TMCO5A: variants seen among roughly 807,000 people sequenced by gnomAD.
TMCO5A encodes transmembrane and coiled-coil domain-containing protein 5A.
In TMCO5A, 34 loss-of-function variants were observed where a neutral mutation model predicts 42.3. The observed-to-expected ratio is 0.80, with a 90% CI of 0.61 to 1.07. TMCO5A has a LOEUF of 1.07. TMCO5A is among the 50% of genes least tolerant of loss of function. The pLI, the probability that TMCO5A is intolerant of heterozygous loss-of-function variation, is 0.00. For synonymous variants in TMCO5A, 131 were observed against 115.6 expected (o/e 1.13, Z -0.86); for missense variants, 357 against 327.9 (o/e 1.09, Z -0.69).
chr15:37,978,687 CA>C, the TMCO5A span, among the ~76,000 whole-genome samples: 1 of 152,292 alleles, frequency 6.6e-6, no homozygotes, highest in South Asian at 2.1e-4. Context: ...TTGATGTGTT[CA>C]GGCAGAGGCA....
At chr15:37,969,729 T>A (rs1890638974), downstream of TMCO5A, among the ~76,000 whole-genome samples, 2 of 152,160 alleles carry the variant, frequency 1.3e-5, no homozygotes, top group African/African-American at 4.8e-5. Context: ...CAAGTACACT[T>A]GTGTTCATGT....
chr15:37,967,365 C>T (rs1291756838), exon 12 of TMCO5A: 4 of 152,098 alleles, frequency 2.6e-5, no homozygotes, highest in African/African-American at 9.7e-5. Context: ...TCAAGCAGGT[C>T]ATATTTTCTA....
the TMCO5A span, among the ~76,000 whole-genome samples, chr15:38,033,471 G>A: frequency 2.6e-5 from 4 of 151,924 alleles, no homozygotes; most frequent in Non-Finnish European, 5.9e-5. Context: ...GAGAATTTGA[G>A]ATCTAAGATA....
chr15:38,017,170 C>T, the TMCO5A span, among the ~76,000 whole-genome samples: 2 of 152,076 alleles, frequency 1.3e-5, no homozygotes, highest in Admixed American at 1.3e-4. Context: ...AAACCTTCTG[C>T]AAATGACCAG....
At chr15:38,025,409 C>T in the TMCO5A span, among the ~76,000 whole-genome samples, 3 of 152,156 alleles carry the variant, frequency 2.0e-5, no homozygotes, top group African/African-American at 7.2e-5. Flanking sequence ...TGGGACCTCA[C>T]CACCATATCA....
chr15:38,012,123 C>CAAA, the TMCO5A span, among the ~76,000 whole-genome samples: 5 of 98,492 alleles, frequency 5.1e-5, no homozygotes, highest in South Asian at 3.5e-4. Flanking sequence ...GACTCCGTCT[C>CAAA]AAAAAAAAAA....
At chr15:38,020,888 T>G in the TMCO5A span, among the ~76,000 whole-genome samples, 1 of 152,160 alleles carries the variant, frequency 6.6e-6, no homozygotes, top group Non-Finnish European at 1.5e-5. Flanking sequence ...TTTGTTGGTT[T>G]AATTTAGTAA....
chr15:37,984,091 T>C, the TMCO5A span, among the ~76,000 whole-genome samples: 1 of 152,202 alleles, frequency 6.6e-6, no homozygotes, highest in South Asian at 2.1e-4. Context: ...TTCTAAGTGT[T>C]GCTTCTGGGG....
chr15:38,023,464 C>G, the TMCO5A span, among the ~76,000 whole-genome samples: 1 of 152,172 alleles, frequency 6.6e-6, no homozygotes, highest in Non-Finnish European at 1.5e-5. Context: ...AGTTTGACCT[C>G]TTACATGCTG....
In TMCO5A at chr15:37,943,381, A is replaced by G. The variant is rs755604541; in HGVS notation, c.610A>G (p.Thr204Ala). Residue 204 changes from threonine (T) to alanine (A), a missense_variant, in exon 10 of 12, where the codon ACC becomes GCC. Thr to Ala is a moderately conservative substitution (Grantham distance 58). Coordinates refer to ENST00000319669, the MANE Select transcript of TMCO5A (RefSeq NM_152453.4). ...CATGAACCCTGTGGAAAAAGAGCAT[A>G]CCAGCCAAAATAATGAGGTAAACAC... Reference protein sequence around the residue: ...VSMNPVEKEHTSQNNEGTPTQ... With the variant: ...VSMNPVEKEHASQNNEGTPTQ... The G allele has an allele frequency of 1.2e-6, 2 of 1,612,034 alleles. No homozygotes were observed. The highest frequency in any genetic ancestry group is 2.7e-5 in the African/African-American group (2 of 74,810).
At chr15:38,004,993 A>C in the TMCO5A span, among the ~76,000 whole-genome samples, 1 of 152,144 alleles carries the variant, frequency 6.6e-6, no homozygotes, top group East Asian at 1.9e-4. Flanking sequence ...TCACTATTAG[A>C]CAGAATTCTC....
chr15:37,951,249 T>C lies in TMCO5A; in HGVS notation c.*15T>C, dbSNP rs1890148891. 1 of 1,611,354 alleles carries C rather than the reference T, an allele frequency of 6.2e-7. No individual in the cohort carries two copies. The highest frequency in any genetic ancestry group is 2.2e-5 in the East Asian group (1 of 44,806). On this transcript the variant is annotated 3_prime_UTR_variant, in exon 12 of 12. Transcript: ENST00000319669. ...TACCCCACTGATTCCCTAAGAAATA[T>C]CCTTGAGCAATAGAAGGGAAGTGGG...
exon 12 of TMCO5A, chr15:37,966,842 A>G (rs1890570122): frequency 6.5e-6 from 4 of 619,362 alleles, no homozygotes; most frequent in Non-Finnish European, 1.2e-5. Flanking sequence ...AGCTTATGTC[A>G]TATGTTCAGC....
the TMCO5A span, among the ~76,000 whole-genome samples, chr15:38,035,536 G>C: frequency 6.6e-6 from 1 of 152,310 alleles, no homozygotes; most frequent in Non-Finnish European, 1.5e-5. Context: ...CTGCATGAGT[G>C]AAGAGGCTGA....
At chr15:38,015,368 C>A in the TMCO5A span, among the ~76,000 whole-genome samples, 2 of 151,994 alleles carry the variant, frequency 1.3e-5, no homozygotes, top group African/African-American at 4.8e-5. Context: ...AAATTAATAC[C>A]ATTAAAATTG....
the TMCO5A span, among the ~76,000 whole-genome samples, chr15:38,030,605 T>C: frequency 2.0e-5 from 3 of 152,076 alleles, no homozygotes; most frequent in African/African-American, 4.8e-5. Context: ...CAAATAAACT[T>C]CAAACTCCTT....
intron 11 of TMCO5A, among the ~76,000 whole-genome samples, chr15:37,958,475 A>G (rs1230734314): frequency 6.6e-6 from 1 of 152,218 alleles, no homozygotes; most frequent in African/African-American, 2.4e-5. Flanking sequence ...TATGCAGCCA[A>G]CAAACATGAA....
At chr15:37,941,545 A>G in intron 7 of TMCO5A, 126 bp from the exon 8 acceptor site, 1 of 776,884 alleles carries the variant, frequency 1.3e-6, no homozygotes, top group Non-Finnish European at 2.1e-6. Flanking sequence ...TACAGCAAAA[A>G]AGAAAACATA....
the TMCO5A span, among the ~76,000 whole-genome samples, chr15:38,020,815 G>A: frequency 6.6e-6 from 1 of 152,000 alleles, no homozygotes; most frequent in Admixed American, 6.6e-5. Context: ...AGTAAATTCT[G>A]AAGAAACAAA....
Sources: allele counts gnomAD v4.1 joint callset (sites outside exome capture counted in the v4.1 genomes callset), GRCh38; gene constraint gnomAD v4.1.1; transcripts MANE v1.5; gene names NCBI Gene and HGNC (gene_info 2026-07-23, HGNC 2026-07-21).